Variants in NLGN4X observed in about 807,000 individuals in gnomAD.
The protein encoded by NLGN4X is neuroligin-4, X-linked.
A neutral mutation model predicts 40.3 loss-of-function variants in NLGN4X; 3 were observed. The observed-to-expected ratio is 0.07, with a 90% CI of 0.03 to 0.19. NLGN4X has a LOEUF of 0.19. NLGN4X is among the 10% of genes least tolerant of loss of function. The probability of loss-of-function intolerance (pLI) is 1.00; values close to 1 mark genes in which losing one functional copy is unlikely to be tolerated. For missense variants in NLGN4X, 382 were observed against 708.3 expected (o/e 0.54, Z 5.23); for synonymous variants, 270 against 306.8 (o/e 0.88, Z 1.25).
At chrX:5,976,583 T>C (rs934542742) in intron 3 of NLGN4X, among the ~76,000 whole-genome samples, 1 of 112,200 alleles carries the variant, frequency 8.9e-6, no homozygotes, top group East Asian at 2.8e-4. Context: ...TCTGCTCTAG[T>C]GTTGGTCTCA....
intron 2 of NLGN4X, among the ~76,000 whole-genome samples, chrX:6,074,092 T>C (rs758679616): frequency 1.0e-3 from 112 of 110,988 alleles, no homozygotes; most frequent in Non-Finnish European, 1.6e-3. Context: ...AAAGTTACCA[T>C]GGTGCCAACC....
rs1458509567 is a variant in NLGN4X at position 6,057,886 on chromosome X, A to G, written c.473-28454T>C. On this transcript the variant is annotated intron_variant, in intron 2 of 5. Transcript: ENST00000381095. Reference sequence around the variant, plus strand: ...CAGGTGAGCCCAAAGCAATTTACCTACACACTCACCATCAGAGACTATATA... The same window carrying G: ...CAGGTGAGCCCAAAGCAATTTACCTGCACACTCACCATCAGAGACTATATA... 2.7e-5 allele frequency among the ~76,000 whole-genome samples: 3 copies of G among 111,942 alleles called. No homozygotes were observed. The East Asian group carries it at 8.4e-4, about 31-fold the overall frequency.
At chrX:5,936,380 C>A (rs2033730858) in intron 3 of NLGN4X, among the ~76,000 whole-genome samples, 1 of 111,380 alleles carries the variant, frequency 9.0e-6, no homozygotes, top group African/African-American at 3.3e-5. Flanking sequence ...CTAATTTTTC[C>A]CAGTCTTGTG....
chrX:6,035,315 G>T (rs1031971443), intron 2 of NLGN4X, among the ~76,000 whole-genome samples: 1 of 111,311 alleles, frequency 9.0e-6, no homozygotes, highest in Non-Finnish European at 1.9e-5. Context: ...TAATTTTGAT[G>T]AGTTTCACTT....
chrX:6,058,990 A>G (rs1192394722), intron 2 of NLGN4X, among the ~76,000 whole-genome samples: 1 of 111,951 alleles, frequency 8.9e-6, no homozygotes, highest in Non-Finnish European at 1.9e-5. Flanking sequence ...TTTATAGTGA[A>G]GAAAACACAA....
At chrX:6,049,716 A>C (rs964786408) in intron 2 of NLGN4X, among the ~76,000 whole-genome samples, 1 of 43,296 alleles carries the variant, frequency 2.3e-5, no homozygotes, top group Admixed American at 3.0e-4. Flanking sequence ...TTCTCTACAA[A>C]AGGAAAAATA....
At chrX:5,917,081 T>C (rs2032835663) in intron 3 of NLGN4X, among the ~76,000 whole-genome samples, 1 of 112,576 alleles carries the variant, frequency 8.9e-6, no homozygotes, top group African/African-American at 3.2e-5. Context: ...CATTTTGATA[T>C]GCTTGCCTTT....
At chrX:6,210,060 T>C (rs1924432846) in intron 1 of NLGN4X, among the ~76,000 whole-genome samples, 1 of 111,224 alleles carries the variant, frequency 9.0e-6, no homozygotes, top group African/African-American at 3.3e-5. Flanking sequence ...CATTATGTTG[T>C]CGAAGCTCGT....
At chrX:5,948,101 C>G (rs2034189872) in intron 3 of NLGN4X, among the ~76,000 whole-genome samples, 1 of 109,640 alleles carries the variant, frequency 9.1e-6, no homozygotes, top group African/African-American at 3.3e-5. Flanking sequence ...GACATAGTAA[C>G]AGAAAAAAAA....
chrX:5,992,856 C>G (rs1231489196), intron 3 of NLGN4X, among the ~76,000 whole-genome samples: 1 of 111,287 alleles, frequency 9.0e-6, no homozygotes, highest in Non-Finnish European at 1.9e-5. Flanking sequence ...TCAGGCATCA[C>G]CTGGAAGACT....
At chrX:5,898,878 T>C (rs762171810) in intron 5 of NLGN4X, among the ~76,000 whole-genome samples, 2 of 112,027 alleles carry the variant, frequency 1.8e-5, no homozygotes, top group South Asian at 7.5e-4. Flanking sequence ...TCAGTTTGGT[T>C]CATTCTCTGC....
rs1369425414 is a variant in NLGN4X, at chrX:5,891,310, C to T, written c.*1507G>A. 8.6e-6 allele frequency: 2 copies of T among 231,495 alleles called. No individual in the cohort carries two copies. The highest frequency in any genetic ancestry group is 2.6e-4 in the East Asian group (2 of 7,741). The allele number at this position is 231,495 out of a possible 1,213,427, so 19.1% of individuals were successfully genotyped here. A position where few individuals can be genotyped will look rare whatever the true frequency, so the allele number is the denominator to read the frequency against. ...TTTTAATATTCTATCCTTTCTTCCC[C>T]CATTCTTCTATAATATTCACCGTTT... On this transcript the variant is annotated 3_prime_UTR_variant, in exon 6 of 6. Coordinates refer to ENST00000381095, the MANE Select transcript of NLGN4X (RefSeq NM_181332.3).
chrX:6,173,575 C>T (rs776956418), intron 1 of NLGN4X, among the ~76,000 whole-genome samples: 3 of 112,477 alleles, frequency 2.7e-5, no homozygotes, highest in South Asian at 7.4e-4. Flanking sequence ...GAGGGTCCTA[C>T]CTCACACCCA....
Position 5,903,631 on chromosome X carries a change from G to C in NLGN4X, c.1047C>G (p.Ile349Met). ...AFGPVIDGDV[I>M]PDDPQILMEQ... is the part of the protein sequence containing the mutation. ...CCATCAGGATCTGGGGGTCGTCTGGGATGACGTCGCCGTCGATCACCGGCC... is the reference window on the plus strand; with the variant it reads ...CCATCAGGATCTGGGGGTCGTCTGGCATGACGTCGCCGTCGATCACCGGCC... Residue 349 changes from isoleucine to methionine, a missense_variant, in exon 5 of 6, where the codon ATC becomes ATG. Physicochemically the swap from Ile to Met is conservative, Grantham distance 10. This residue lies in a region of NLGN4X where 149 missense variants were observed against 375.8 expected (regional missense o/e 0.40). Transcript: ENST00000381095. 1 of 1,211,656 alleles carries C rather than the reference G, an allele frequency of 8.3e-7. No homozygotes were observed. The highest frequency in any genetic ancestry group is 1.1e-6 in the Non-Finnish European group (1 of 895,514).
intron 2 of NLGN4X, among the ~76,000 whole-genome samples, chrX:6,116,391 CTTTTTTTTTTTTTTTTTTTTTTTT>C (rs1157468420): frequency 1.7e-3 from 37 of 22,288 alleles, no homozygotes; most frequent in East Asian, 4.5e-3. Flanking sequence ...ACCTTTCTTT[CTTTTTTTTTTTTTTTTTTTTTTTT>C]TTTTTTTTTT....
intron 2 of NLGN4X, among the ~76,000 whole-genome samples, chrX:6,033,747 C>T (rs1269707087): frequency 1.8e-5 from 2 of 111,981 alleles, no homozygotes; most frequent in African/African-American, 6.5e-5. Flanking sequence ...AGCTTATGCT[C>T]TTAGTGCACA....
intron 3 of NLGN4X, among the ~76,000 whole-genome samples, chrX:5,912,229 G>T (rs911230824): frequency 9.0e-6 from 1 of 111,328 alleles, no homozygotes; most frequent in Admixed American, 9.6e-5. Context: ...TCAGGCTTTT[G>T]CATTTCTGAC....
chrX:6,021,552 C>T (rs898812579), intron 3 of NLGN4X, among the ~76,000 whole-genome samples: 9 of 110,675 alleles, frequency 8.1e-5, no homozygotes, highest in East Asian at 2.9e-4. Context: ...TCCAAGCAAA[C>T]GATCATTCTG....
chrX:6,096,946 CGTGTGTGTGTGT>C (rs35895741), intron 2 of NLGN4X, among the ~76,000 whole-genome samples: 1 of 100,559 alleles, frequency 9.9e-6, no homozygotes, highest in Non-Finnish European at 2.0e-5. Context: ...ATTTTCATAT[CGTGTGTGTGTGT>C]GTGTGTGTGT....
Sources: allele counts gnomAD v4.1 joint callset (sites outside exome capture counted in the v4.1 genomes callset), GRCh38; gene constraint gnomAD v4.1.1; regional missense constraint gnomAD v4.1.1; transcripts MANE v1.5; gene names NCBI Gene and HGNC (gene_info 2026-07-23, HGNC 2026-07-21).